The following AOPEP variants were observed in gnomAD, a reference collection of about 807,000 sequenced individuals.
AOPEP encodes the protein aminopeptidase O (putative), also known as aminopeptidase O.
A neutral mutation model predicts 98.1 loss-of-function variants in AOPEP; 77 were observed. That is an observed-to-expected ratio of 0.78 (90% confidence interval 0.65 to 0.95). The LOEUF (loss-of-function observed/expected upper bound fraction) is 0.95, where lower values mean the gene tolerates loss of function less well. Among genes scored for constraint, AOPEP ranks in the 40% least tolerant of loss-of-function variants. The probability of loss-of-function intolerance (pLI) is 0.00; values close to 1 mark genes in which losing one functional copy is unlikely to be tolerated. For synonymous variants in AOPEP, 346 were observed against 365.3 expected (o/e 0.95, Z 0.60); for missense variants, 1,024 against 1,024.7 (o/e 1.00, Z 0.01).
chr9:94,947,863 C>T (rs1170014643), intron 7 of AOPEP, among the ~76,000 whole-genome samples: 1 of 152,070 alleles, frequency 6.6e-6, no homozygotes, highest in Non-Finnish European at 1.5e-5. Flanking sequence ...ACCCCAGAGC[C>T]CAGCTCCTAA....
At chr9:95,123,136 CA>C in the AOPEP span, among the ~76,000 whole-genome samples, 2 of 150,814 alleles carry the variant, frequency 1.3e-5, no homozygotes, top group Non-Finnish European at 3.0e-5. Context: ...TCTATCTCTA[CA>C]AAAAAAAATT....
At chr9:95,001,355 T>G (rs2061548812) in intron 11 of AOPEP, among the ~76,000 whole-genome samples, 1 of 152,244 alleles carries the variant, frequency 6.6e-6, no homozygotes, top group South Asian at 2.1e-4. Flanking sequence ...ACAACTTCCT[T>G]TCAAAACATG....
chr9:95,124,103 CAAAAAAA>C, the AOPEP span, among the ~76,000 whole-genome samples: 5 of 43,544 alleles, frequency 1.1e-4, no homozygotes, highest in Admixed American at 3.2e-4. Context: ...AACCTTGTCT[CAAAAAAA>C]AAAAAAAAAA....
intron 13 of AOPEP, among the ~76,000 whole-genome samples, chr9:95,041,895 A>G (rs1053429524): frequency 2.2e-4 from 34 of 152,038 alleles, no homozygotes; most frequent in African/African-American, 1.7e-4. Context: ...AAACTCTTCA[A>G]CCTTCAGAAC....
chr9:95,002,207 T>G (rs1390971476), intron 11 of AOPEP, among the ~76,000 whole-genome samples: 1 of 152,218 alleles, frequency 6.6e-6, no homozygotes, highest in Non-Finnish European at 1.5e-5. Context: ...ATTAGAAAGA[T>G]ATTCATTTTA....
intron 3 of AOPEP, among the ~76,000 whole-genome samples, chr9:94,780,230 C>T (rs973761849): frequency 2.0e-5 from 3 of 152,216 alleles, no homozygotes; most frequent in African/African-American, 7.2e-5. Context: ...AAAAAGTTTT[C>T]TGACCTCTGT....
At chr9:94,843,335 C>T (rs2042495231) in intron 5 of AOPEP, among the ~76,000 whole-genome samples, 1 of 152,212 alleles carries the variant, frequency 6.6e-6, no homozygotes, top group Non-Finnish European at 1.5e-5. Flanking sequence ...GAATGTCATG[C>T]TTTGTGGCCT....
At chr9:94,790,544 T>C (rs1248021492) in intron 3 of AOPEP, among the ~76,000 whole-genome samples, 1 of 152,106 alleles carries the variant, frequency 6.6e-6, no homozygotes, top group Non-Finnish European at 1.5e-5. Context: ...TCCAGGCAAG[T>C]TGGAGAGAAT....
At chr9:95,114,808 C>A in the AOPEP span, 18 of 997,212 alleles carry the variant, frequency 1.8e-5, no homozygotes, top group African/African-American at 4.7e-5. Flanking sequence ...TTGGGAGACG[C>A]CCTTTACTTC....
intron 10 of AOPEP, among the ~76,000 whole-genome samples, chr9:94,977,596 AC>A: frequency 6.6e-6 from 1 of 152,218 alleles, no homozygotes; most frequent in East Asian, 1.9e-4. Flanking sequence ...CCCTGCCTCC[AC>A]CACACACACA....
At chr9:95,105,605 G>C in the AOPEP span, among the ~76,000 whole-genome samples, 1 of 152,130 alleles carries the variant, frequency 6.6e-6, no homozygotes, top group Admixed American at 6.5e-5. Context: ...ACAGCCATCA[G>C]CACTGGCCGT....
intron 13 of AOPEP, among the ~76,000 whole-genome samples, chr9:95,054,710 CA>C (rs1486010063): frequency 1.3e-5 from 2 of 152,102 alleles, no homozygotes; most frequent in African/African-American, 2.4e-5. Context: ...TAGAATTTCC[CA>C]AAAATCTAAT....
chr9:95,066,358 G>T (rs1192802761), intron 14 of AOPEP, among the ~76,000 whole-genome samples: 1 of 152,074 alleles, frequency 6.6e-6, no homozygotes, highest in Non-Finnish European at 1.5e-5. Context: ...AAATCACAAA[G>T]AACTTTCTTT....
At position 94,818,878 on chromosome 9, in the gene AOPEP, C is replaced by G. The variant is rs548764716; in HGVS notation, c.1364+17876C>G. Reference sequence around the variant, plus strand: ...GCATGGTGGCGGGCACCTGTAGCCCCAGCCACTCGGGACGCTGAGGCAGGA... The same window carrying G: ...GCATGGTGGCGGGCACCTGTAGCCCGAGCCACTCGGGACGCTGAGGCAGGA... On this transcript the variant is annotated intron_variant, in intron 5 of 16. Transcript: ENST00000375315. 6.6e-5 allele frequency among the ~76,000 whole-genome samples: 10 copies of G among 152,254 alleles called. No homozygotes were observed. The East Asian group carries it at 1.9e-3, about 29-fold the overall frequency.
chr9:95,024,321 A>G (rs1407782509), intron 13 of AOPEP, among the ~76,000 whole-genome samples: 1 of 152,192 alleles, frequency 6.6e-6, no homozygotes, highest in African/African-American at 2.4e-5. Context: ...CCTTGTTGGA[A>G]TATCCTTACC....
chr9:94,933,474 C>A (rs2055718774), intron 7 of AOPEP: 1 of 985,268 alleles, frequency 1.0e-6, no homozygotes, highest in African/African-American at 1.7e-5. Context: ...TAAGGAGGTG[C>A]AACAGGCAGG....
Position 94,979,467 on chromosome 9 carries a change from T to C in AOPEP, c.1977+40T>C, listed in dbSNP as rs753677291. 33 of 1,300,492 alleles carry C rather than the reference T, an allele frequency of 2.5e-5. No homozygotes were observed. The East Asian group carries it at 6.5e-4, about 26-fold the overall frequency. The allele number at this position is 1,300,492 out of a possible 1,614,324, so 80.6% of individuals were successfully genotyped here. On this transcript the variant is annotated intron_variant, in intron 11 of 16. Coordinates refer to ENST00000375315, the MANE Select transcript of AOPEP (RefSeq NM_001193329.3). ...CCACTTTGGTAGAATCCATGGAGAG[T>C]AGTAAAGCTTGCTGCTTAGCACATC...
intron 5 of AOPEP, among the ~76,000 whole-genome samples, chr9:94,831,427 A>G (rs1314326544): frequency 6.6e-6 from 1 of 152,138 alleles, no homozygotes; most frequent in African/African-American, 2.4e-5. Context: ...CTGTTTTTGT[A>G]CAAGTACCAT....
the AOPEP span, among the ~76,000 whole-genome samples, chr9:95,119,470 A>G: frequency 6.6e-5 from 10 of 150,528 alleles, no homozygotes; most frequent in African/African-American, 2.5e-4. Flanking sequence ...GGTTCAAGCG[A>G]TTCTCCTGCC....
Sources: gnomAD v4.1 joint callset for allele counts (sites outside exome capture counted in the v4.1 genomes callset) on GRCh38, gnomAD v4.1.1 for gene constraint, MANE v1.5 for transcripts, NCBI Gene and HGNC (gene_info 2026-07-23, HGNC 2026-07-21) for gene names.